The following TRABD2B variants were observed in gnomAD, a reference collection of about 807,000 sequenced individuals.
The protein encoded by TRABD2B is TraB domain containing 2B.
A neutral mutation model predicts 40.1 loss-of-function variants in TRABD2B; 14 were observed. That is an observed-to-expected ratio of 0.35 (90% confidence interval 0.23 to 0.55). TRABD2B has a LOEUF of 0.55. TRABD2B is among the 20% of genes least tolerant of loss of function. The pLI is 0.90. For missense variants in TRABD2B, 541 were observed against 648.6 expected, an observed-to-expected ratio of 0.83 and a Z score of 1.80; for synonymous variants, 263 against 277.0, an observed-to-expected ratio of 0.95 and a Z score of 0.50.
At position 47,778,476 on chromosome 1, in the gene TRABD2B, G is replaced by C. The variant is rs1460814883; in HGVS notation, c.1057C>G (p.Pro353Ala). The C allele has an allele frequency of 2.6e-6, 4 of 1,535,986 alleles. No homozygotes were observed. Among genetic ancestry groups the C allele is most frequent in the Non-Finnish European group, 2.6e-6 (3 of 1,146,888 alleles). Residue 353 changes from proline to alanine, a missense_variant, in exon 5 of 7, where the codon CCC becomes GCC. Pro to Ala is a conservative substitution (Grantham distance 27). This residue lies in a region of TRABD2B where 369 missense variants were observed against 492.8 expected (regional missense o/e 0.75). Coordinates refer to ENST00000606738, the MANE Select transcript of TRABD2B (RefSeq NM_001194986.2). ...TACCTGTGTATGGCCTGCCCGGCGG[G>C]TGTGTGGTCCACCTCCAGCCCTGCC... The part of the protein sequence containing the change: ...RQAGLEVDHT[P>A]AGQAIHSPAP...
At chr1:47,991,709 C>T (rs1296161527) in intron 2 of TRABD2B, among the ~76,000 whole-genome samples, 3 of 150,924 alleles carry the variant, frequency 2.0e-5, no homozygotes, top group Non-Finnish European at 2.9e-5. Flanking sequence ...TTATTTTTCC[C>T]GCCTTCTTCT....
chr1:47,931,167 T>A (rs1645035106), intron 2 of TRABD2B, among the ~76,000 whole-genome samples: 1 of 152,168 alleles, frequency 6.6e-6, no homozygotes, highest in Non-Finnish European at 1.5e-5. Context: ...AACGAATGAA[T>A]GATTATGTGT....
chr1:47,844,656 A>G (rs141891414), intron 2 of TRABD2B, among the ~76,000 whole-genome samples: 1 of 152,340 alleles, frequency 6.6e-6, no homozygotes, highest in East Asian at 1.9e-4. Context: ...AGGAGAAAAA[A>G]GCATAAAGTG....
intron 3 of TRABD2B, 43 bp from the exon 4 acceptor site, chr1:47,794,803 T>G: frequency 6.9e-7 from 1 of 1,457,128 alleles, no homozygotes; most frequent in African/African-American, 1.4e-5. Flanking sequence ...TTTTTTTTTT[T>G]TTTTTTTTTG....
chr1:47,790,304 C>T (rs1261983966), intron 4 of TRABD2B, among the ~76,000 whole-genome samples: 1 of 152,178 alleles, frequency 6.6e-6, no homozygotes, highest in Non-Finnish European at 1.5e-5. Flanking sequence ...CTTTTCCTCC[C>T]CTCTGGATGA....
intron 2 of TRABD2B, among the ~76,000 whole-genome samples, chr1:47,806,530 G>A (rs1038695923): frequency 2.0e-5 from 3 of 152,150 alleles, no homozygotes; most frequent in Middle Eastern, 3.2e-3. Flanking sequence ...AACAAACATC[G>A]GGTGAAGGCT....
intron 2 of TRABD2B, among the ~76,000 whole-genome samples, chr1:47,966,265 G>C (rs763869946): frequency 6.7e-6 from 1 of 148,684 alleles, no homozygotes; most frequent in Non-Finnish European, 1.5e-5. Context: ...AACCTCCAAT[G>C]TGACTCTGGA....
chr1:47,852,384 A>G (rs1169012582), intron 2 of TRABD2B, among the ~76,000 whole-genome samples: 1 of 152,150 alleles, frequency 6.6e-6, no homozygotes, highest in Non-Finnish European at 1.5e-5. Flanking sequence ...GAACAGAATT[A>G]AATTTCTGCC....
chr1:47,826,393 C>T (rs6588516), intron 2 of TRABD2B, among the ~76,000 whole-genome samples: 146,325 of 152,192 alleles, frequency 0.96, 70,616 homozygotes, highest in East Asian at 1. Context: ...TATCATTACA[C>T]ATGTGATATA....
At chr1:47,833,200 T>C (rs1324440792) in intron 2 of TRABD2B, among the ~76,000 whole-genome samples, 1 of 152,224 alleles carries the variant, frequency 6.6e-6, no homozygotes, top group East Asian at 1.9e-4. Flanking sequence ...AGAGAGGTTC[T>C]GAGCCAGGGA....
At chr1:47,975,608 A>T (rs1645744523) in intron 2 of TRABD2B, among the ~76,000 whole-genome samples, 1 of 152,176 alleles carries the variant, frequency 6.6e-6, no homozygotes, top group African/African-American at 2.4e-5. Context: ...GGATGAATTC[A>T]GTTATCTCAC....
At chr1:47,894,364 T>G (rs990831382) in intron 2 of TRABD2B, among the ~76,000 whole-genome samples, 5 of 152,214 alleles carry the variant, frequency 3.3e-5, no homozygotes, top group African/African-American at 1.2e-4. Context: ...TCACATAAAG[T>G]GCTTTGAACA....
Position 47,955,734 on chromosome 1 carries a change from G to T in TRABD2B, c.666+38300C>A, listed in dbSNP as rs551127876. ...TGAAGCCTCCTACCCCAACTCATTAGCCTCAGATGTCTCCAGGACCCCCTC... is the reference window on the plus strand; with the variant it reads ...TGAAGCCTCCTACCCCAACTCATTATCCTCAGATGTCTCCAGGACCCCCTC... On this transcript the variant is annotated intron_variant, in intron 2 of 6. Transcript: ENST00000606738. Among the ~76,000 whole-genome samples, 3 of 152,188 alleles carry T rather than the reference G, an allele frequency of 2.0e-5. No individual in the cohort carries two copies. The South Asian group carries it at 6.2e-4, about 32-fold the overall frequency.
In TRABD2B at chr1:47,765,655, A is replaced by G. The variant is rs931488875; in HGVS notation, c.*247T>C. ...GAATAGTTTTATCGGTAGAATAAATACATTTTTCTTTTTTAATATGGACAC... is the reference window on the plus strand; with the variant it reads ...GAATAGTTTTATCGGTAGAATAAATGCATTTTTCTTTTTTAATATGGACAC... On this transcript the variant is annotated 3_prime_UTR_variant, in exon 7 of 7. Transcript: ENST00000606738. 2 of 584,378 alleles carry G rather than the reference A, an allele frequency of 3.4e-6. No homozygotes were observed. The highest frequency in any genetic ancestry group is 3.7e-5 in the African/African-American group (2 of 53,554). The allele number at this position is 584,378 out of a possible 1,614,324, so 36.2% of individuals were successfully genotyped here.
chr1:47,976,527 A>G (rs989912607), intron 2 of TRABD2B, among the ~76,000 whole-genome samples: 1 of 152,166 alleles, frequency 6.6e-6, no homozygotes, highest in Non-Finnish European at 1.5e-5. Flanking sequence ...AAATATTTCT[A>G]CTCTCATGGA....
At chr1:47,838,592 T>G (rs1477017579) in intron 2 of TRABD2B, among the ~76,000 whole-genome samples, 2 of 152,234 alleles carry the variant, frequency 1.3e-5, no homozygotes, top group Non-Finnish European at 2.9e-5. Context: ...CAGTTACTGC[T>G]GATAGGTTTA....
intron 4 of TRABD2B, among the ~76,000 whole-genome samples, chr1:47,782,366 AC>A (rs2124122019): frequency 6.6e-6 from 1 of 152,252 alleles, no homozygotes; most frequent in Non-Finnish European, 1.5e-5. Context: ...CACTGCAGAA[AC>A]TGCTCTCCTT....
chr1:47,857,925 G>C (rs1034140366), intron 2 of TRABD2B, among the ~76,000 whole-genome samples: 1 of 123,628 alleles, frequency 8.1e-6, no homozygotes, highest in Non-Finnish European at 1.6e-5. Flanking sequence ...CACTTTCCAT[G>C]GTTTCAGTTA....
At chr1:47,828,617 G>C (rs1645209122) in intron 2 of TRABD2B, among the ~76,000 whole-genome samples, 1 of 152,206 alleles carries the variant, frequency 6.6e-6, no homozygotes, top group Admixed American at 6.5e-5. Flanking sequence ...AGTCCCTTTG[G>C]TCAGGAACTC....
Sources: gnomAD v4.1 joint callset for allele counts (sites outside exome capture counted in the v4.1 genomes callset) on GRCh38, gnomAD v4.1.1 for gene constraint, gnomAD v4.1.1 regional missense constraint, MANE v1.5 for transcripts, NCBI Gene and HGNC (gene_info 2026-07-23, HGNC 2026-07-21) for gene names.